LRRTM4: variants seen among roughly 807,000 people sequenced by gnomAD.
LRRTM4 encodes leucine-rich repeat transmembrane neuronal protein 4.
In LRRTM4, 25 loss-of-function variants were observed where a neutral mutation model predicts 47.6. The ratio of observed to expected loss-of-function variants is 0.53; its 90% confidence interval spans 0.38 to 0.73. The LOEUF (loss-of-function observed/expected upper bound fraction) is 0.73. Ranked by LOEUF, LRRTM4 falls within the 30% of genes least tolerant of loss-of-function variation. The pLI is 0.00. For missense variants in LRRTM4, 638 were observed against 713.4 expected (o/e 0.89, Z 1.20); for synonymous variants, 311 against 269.5 (o/e 1.15, Z -1.51).
intron 3 of LRRTM4, among the ~76,000 whole-genome samples, chr2:77,229,112 A>T (rs1205713031): frequency 1.3e-5 from 2 of 152,192 alleles, no homozygotes; most frequent in South Asian, 4.1e-4. Flanking sequence ...GCCCCTTCTT[A>T]ATTAATTTCC....
chr2:77,032,490 T>A (rs760975854), intron 3 of LRRTM4, among the ~76,000 whole-genome samples: 1 of 152,170 alleles, frequency 6.6e-6, no homozygotes, highest in Non-Finnish European at 1.5e-5. Flanking sequence ...CACGTTGCCA[T>A]CTGTTAGAGC....
chr2:76,841,194 A>C (rs922708244), intron 3 of LRRTM4, among the ~76,000 whole-genome samples: 1 of 150,862 alleles, frequency 6.6e-6, no homozygotes, highest in African/African-American at 2.4e-5. Context: ...CAAACACTGC[A>C]TGTTCTCACT....
At chr2:77,092,998 A>G (rs1286533143) in intron 3 of LRRTM4, among the ~76,000 whole-genome samples, 3 of 146,804 alleles carry the variant, frequency 2.0e-5, no homozygotes, top group Non-Finnish European at 4.4e-5. Flanking sequence ...AGAATGCTAC[A>G]GGGTACAGCC....
At chr2:77,418,122 T>C (rs77528411) in intron 3 of LRRTM4, among the ~76,000 whole-genome samples, 3,568 of 152,242 alleles carry the variant, frequency 0.023, 123 homozygotes, top group East Asian at 0.16. Flanking sequence ...TAGCACACAA[T>C]TGTGCTATTT....
At chr2:77,517,709 G>GA (rs1041619291) in intron 3 of LRRTM4, 527 of 896,056 alleles carry the variant, frequency 5.9e-4, no homozygotes, top group Admixed American at 7.4e-4. Flanking sequence ...AAAAAAAAAA[G>GA]AAAGAAGCCT....
chr2:77,224,916 T>C (rs1674757792), intron 3 of LRRTM4, among the ~76,000 whole-genome samples: 1 of 152,072 alleles, frequency 6.6e-6, no homozygotes, highest in South Asian at 2.1e-4. Context: ...CATGCACACG[T>C]ATGTTTGTTG....
At chr2:77,320,013 T>A (rs936507886) in intron 3 of LRRTM4, among the ~76,000 whole-genome samples, 3 of 152,186 alleles carry the variant, frequency 2.0e-5, no homozygotes, top group Non-Finnish European at 4.4e-5. Flanking sequence ...AACATGCACC[T>A]CTAACTGTTG....
intron 3 of LRRTM4, chr2:76,989,784 TATA>T (rs1225776185): frequency 1.3e-5 from 2 of 151,894 alleles, no homozygotes; most frequent in African/African-American, 4.8e-5. Flanking sequence ...AAAGTATTTC[TATA>T]ATGTTTCTAA....
intron 3 of LRRTM4, among the ~76,000 whole-genome samples, chr2:77,267,045 C>T (rs1009867291): frequency 2.0e-5 from 3 of 152,132 alleles, no homozygotes; most frequent in African/African-American, 7.2e-5. Flanking sequence ...TCCTCCTGCT[C>T]TCTGTACAGT....
intron 3 of LRRTM4, among the ~76,000 whole-genome samples, chr2:77,194,061 G>C (rs1403280784): frequency 6.6e-6 from 1 of 152,126 alleles, no homozygotes; most frequent in Non-Finnish European, 1.5e-5. Context: ...CTTTTGCTTT[G>C]ATGGTTATTG....
chr2:77,241,629 GA>G (rs1456607596), intron 3 of LRRTM4, among the ~76,000 whole-genome samples: 1 of 151,858 alleles, frequency 6.6e-6, no homozygotes, highest in East Asian at 1.9e-4. Context: ...ATAAGCTCTG[GA>G]AAAAAACCTT....
At chr2:77,260,055 A>T (rs191792299) in intron 3 of LRRTM4, among the ~76,000 whole-genome samples, 1 of 152,196 alleles carries the variant, frequency 6.6e-6, no homozygotes, top group Non-Finnish European at 1.5e-5. Flanking sequence ...TAAAATAACC[A>T]GTCTAATAGA....
chr2:77,057,152 C>T (rs1166619402), intron 3 of LRRTM4, among the ~76,000 whole-genome samples: 1 of 152,060 alleles, frequency 6.6e-6, no homozygotes, highest in East Asian at 1.9e-4. Context: ...TTTGCTGATC[C>T]CTGATTCAAA....
intron 3 of LRRTM4, among the ~76,000 whole-genome samples, chr2:77,446,794 C>A (rs947466417): frequency 2.2e-4 from 33 of 152,014 alleles, no homozygotes; most frequent in African/African-American, 7.5e-4. Context: ...CATCTCTAAT[C>A]CCAGATTTGG....
At chr2:76,812,012 T>C (rs1199723329) in intron 3 of LRRTM4, among the ~76,000 whole-genome samples, 1 of 152,238 alleles carries the variant, frequency 6.6e-6, no homozygotes, top group Non-Finnish European at 1.5e-5. Context: ...CTAAGAATTG[T>C]ATTTCAAACA....
intron 3 of LRRTM4, among the ~76,000 whole-genome samples, chr2:77,255,972 T>C (rs1410806784): frequency 6.6e-6 from 1 of 152,012 alleles, no homozygotes; most frequent in Non-Finnish European, 1.5e-5. Context: ...AAATTCAATG[T>C]AACAAAATTT....
chr2:76,988,013 T>A (rs1676863963), intron 3 of LRRTM4, among the ~76,000 whole-genome samples: 1 of 151,950 alleles, frequency 6.6e-6, no homozygotes, highest in Non-Finnish European at 1.5e-5. Flanking sequence ...TAGTATTATG[T>A]GTGATAAAAG....
intron 3 of LRRTM4, among the ~76,000 whole-genome samples, chr2:76,927,948 T>C (rs746935011): frequency 4.6e-5 from 7 of 152,158 alleles, no homozygotes; most frequent in Non-Finnish European, 5.9e-5. Context: ...TCAGAAGCCT[T>C]GTTCTTAAAG....
chr2:77,072,706 G>A (rs184238273), intron 3 of LRRTM4, among the ~76,000 whole-genome samples: 1 of 146,612 alleles, frequency 6.8e-6, no homozygotes, highest in African/African-American at 2.5e-5. Flanking sequence ...GGCTGAGGCA[G>A]GAGAATCGCT....
Sources: allele counts gnomAD v4.1 joint callset (sites outside exome capture counted in the v4.1 genomes callset), GRCh38; gene constraint gnomAD v4.1.1; transcripts MANE v1.5; gene names NCBI Gene and HGNC (gene_info 2026-07-23, HGNC 2026-07-21).